AQP8: variants seen among roughly 807,000 people sequenced by gnomAD.
The protein encoded by AQP8 is aquaporin 8.
Under a neutral mutation model 26.1 loss-of-function variants are expected in AQP8, and 14 were observed. That is an observed-to-expected ratio of 0.54 (90% CI 0.35 to 0.84). The LOEUF (loss-of-function observed/expected upper bound fraction) is 0.84, where lower values mean the gene tolerates loss of function less well. AQP8 is among the 40% of genes least tolerant of loss of function. The probability of loss-of-function intolerance (pLI) is 0.01; values close to 1 mark genes in which losing one functional copy is unlikely to be tolerated. For missense variants in AQP8, 301 were observed against 340.5 expected (o/e 0.88, Z 0.91); for synonymous variants, 131 against 150.7 (o/e 0.87, Z 0.96).
intron 5 of AQP8, among the ~76,000 whole-genome samples, chr16:25,227,820 T>C (rs571925808): frequency 5.9e-4 from 90 of 152,054 alleles, no homozygotes; most frequent in Non-Finnish European, 1.2e-3. Context: ...GAGATGGGGC[T>C]TCACCATGTT....
rs548873065 is a variant in AQP8, at chr16:25,228,724, A to G, written c.*232A>G. ...CCAGCCTGGGGAACACGCTGCCCGCACTGCCCAGAGAGCAGTGCAAACACC... is the reference window on the plus strand; with the variant it reads ...CCAGCCTGGGGAACACGCTGCCCGCGCTGCCCAGAGAGCAGTGCAAACACC... On this transcript the variant is annotated 3_prime_UTR_variant, in exon 6 of 6. Transcript: ENST00000219660. 7.6e-5 allele frequency: 40 copies of G among 528,010 alleles called. No homozygotes were observed. The highest frequency in any genetic ancestry group is 7.4e-4 in the African/African-American group (39 of 52,444). 32.7% of individuals were successfully genotyped at this position (528,010 alleles called of 1,614,324 possible).
chr16:25,222,917 C>A (rs184034309), intron 3 of AQP8, among the ~76,000 whole-genome samples: 3 of 152,244 alleles, frequency 2.0e-5, no homozygotes, highest in Non-Finnish European at 4.4e-5. Context: ...TCAAGCCCTG[C>A]CACTTAAAAC....
intron 4 of AQP8, 57 bp downstream of exon 4, chr16:25,224,633 G>A (rs1461245316): frequency 7.2e-6 from 11 of 1,533,472 alleles, no homozygotes; most frequent in African/African-American, 1.4e-5. Flanking sequence ...TTCAGCTCTG[G>A]GGGATTTCAG....
At chr16:25,225,061 G>A (rs1962613448) in intron 4 of AQP8, among the ~76,000 whole-genome samples, 1 of 152,194 alleles carries the variant, frequency 6.6e-6, no homozygotes. Flanking sequence ...AGGAAACTGA[G>A]GCTTAGAGAG....
chr16:25,226,394 A>G (rs1400805732), intron 4 of AQP8, among the ~76,000 whole-genome samples: 3 of 152,162 alleles, frequency 2.0e-5, no homozygotes, highest in Non-Finnish European at 4.4e-5. Flanking sequence ...AGTAGCTGGG[A>G]CTACAGGCGT....
intron 4 of AQP8, among the ~76,000 whole-genome samples, chr16:25,224,792 G>C (rs1420280077): frequency 2.0e-5 from 3 of 152,340 alleles, no homozygotes; most frequent in Non-Finnish European, 4.4e-5. Flanking sequence ...AATTATTGCT[G>C]GGTACATGGG....
chr16:25,227,778 G>T (rs1368438433), intron 5 of AQP8, among the ~76,000 whole-genome samples: 1 of 151,726 alleles, frequency 6.6e-6, no homozygotes, highest in East Asian at 2.0e-4. Flanking sequence ...ATGAGCCACC[G>T]CGCCCAGCCA....
intron 5 of AQP8, among the ~76,000 whole-genome samples, chr16:25,227,480 T>C (rs1197476799): frequency 6.6e-6 from 1 of 152,132 alleles, no homozygotes; most frequent in African/African-American, 2.4e-5. Context: ...AACAATGTCT[T>C]TAGGACTTGG....
chr16:25,224,616 T>C (rs906062759), intron 4 of AQP8, 40 bp downstream of exon 4: 2 of 1,584,390 alleles, frequency 1.3e-6, no homozygotes, highest in African/African-American at 1.3e-5. Context: ...TGCCCAGATC[T>C]GTGCTGTTCA....
At position 25,228,755 on chromosome 16, in the gene AQP8, A is replaced by T. The variant is rs1962669878; in HGVS notation, c.*263A>T. The T allele has an allele frequency of 2.8e-6, 1 of 351,952 alleles. No homozygotes were observed. The highest frequency in any genetic ancestry group is 4.3e-5 in the Admixed American group (1 of 23,222). The allele number at this position is 351,952 out of a possible 1,614,324, so 21.8% of individuals were successfully genotyped here. A position where few individuals can be genotyped will look rare whatever the true frequency, so the allele number is the denominator to read the frequency against. The stretch of plus-strand genomic sequence containing the variant: ...CAGAGAGCAGTGCAAACACCACAAC[A>T]CGAGCGTGTTTCTTGAGAGGAATGT... On this transcript the variant is annotated 3_prime_UTR_variant, in exon 6 of 6. Transcript: ENST00000219660.
chr16:25,226,896 C>G (rs532398627), intron 4 of AQP8, among the ~76,000 whole-genome samples, 172 bp from the exon 5 acceptor site: 63 of 152,266 alleles, frequency 4.1e-4, no homozygotes, highest in African/African-American at 1.5e-3. Flanking sequence ...CTTCTGCTTC[C>G]TGGTGCTAAT....
chr16:25,226,982 T>G, intron 4 of AQP8, 86 bp from the exon 5 acceptor site: 1 of 1,590,976 alleles, frequency 6.3e-7, no homozygotes, highest in Non-Finnish European at 8.6e-7. Context: ...GGGTGGTGTG[T>G]GACTAGGCCT....
chr16:25,221,763 A>AT lies in AQP8; in HGVS notation c.387+186dup, dbSNP rs368302054. Among the ~76,000 whole-genome samples the AT allele has an allele frequency of 4.4e-3, 663 of 151,520 alleles. 8 individuals are homozygous for AT. The highest frequency in any genetic ancestry group is 5.2e-3 in the Non-Finnish European group (350 of 67,772). ...TTTCTTTCTTATTGCATTTTATTGTATTTTTTATTTGTTTGTTTTTTTGAG... is the reference window on the plus strand; with the variant it reads ...TTTCTTTCTTATTGCATTTTATTGTATTTTTTTATTTGTTTGTTTTTTTGAG... On this transcript the variant is annotated intron_variant, in intron 3 of 5. Transcript: ENST00000219660.
rs182658140 is a variant in AQP8, at chr16:25,217,125, G to T, written c.12+68G>T. 1.6e-4 allele frequency: 257 copies of T among 1,613,460 alleles called. No homozygotes were observed. In the African/African-American group the frequency reaches 2.9e-3, roughly 18 times the overall value. On this transcript the variant is annotated intron_variant, in intron 1 of 5. Transcript: ENST00000219660. ...AAGGGGGGCTGTGAATTAATTCAAG[G>T]TTGGGGGTCGGGGCCTTCTATATCT...
chr16:25,217,278 C>T lies in AQP8; in HGVS notation c.93C>T (p.Tyr31=), dbSNP rs748805304. 16 of 1,613,960 alleles carry T rather than the reference C, an allele frequency of 9.9e-6. No individual in the cohort carries two copies. The highest frequency in any genetic ancestry group is 5.0e-5 in the Admixed American group (3 of 60,000). The change falls in exon 2 of 6, where the codon TAC becomes TAT. Residue 31 remains tyrosine (Y), a synonymous_variant. Coordinates refer to ENST00000219660, the MANE Select transcript of AQP8 (RefSeq NM_001169.3). The part of the protein sequence containing the change: ...SVGGRWRVSW[Y]ERFVQPCLVE... ...GTGGCAGGTGGCGAGTGTCCTGGTA[C>T]GAACGGTTTGTGCAGCCATGTCTGG...
chr16:25,227,010 T>C (rs1450108944), intron 4 of AQP8, 58 bp from the exon 5 acceptor site: 31 of 1,610,576 alleles, frequency 1.9e-5, no homozygotes, highest in Middle Eastern at 4.1e-4. Context: ...GACATGAGTG[T>C]GAGGTGAGGT....
intron 3 of AQP8, among the ~76,000 whole-genome samples, chr16:25,223,853 G>T (rs1333848023): frequency 6.7e-5 from 10 of 149,260 alleles, no homozygotes. Context: ...TTGAGACGGA[G>T]TCTTGCTCTG....
At chr16:25,222,679 G>T (rs944972629) in intron 3 of AQP8, among the ~76,000 whole-genome samples, 7 of 151,876 alleles carry the variant, frequency 4.6e-5, no homozygotes, top group South Asian at 4.2e-4. Flanking sequence ...GTGTGTGTGT[G>T]GGGGGTGGTG....
rs1323891116 is a variant in AQP8, at chr16:25,221,603, T to A, written c.387+20T>A. The A allele has an allele frequency of 1.9e-6, 3 of 1,613,518 alleles. No homozygotes were observed. Among genetic ancestry groups the A allele is most frequent in the East Asian group, 2.2e-5 (1 of 44,882 alleles). On this transcript the variant is annotated intron_variant, in intron 3 of 5. Transcript: ENST00000219660. ...GCCAAGGTGGGTAAACCCCAGGGGC[T>A]GGGCTAGTCTTCCTCTCTGATGGGG...
Sources: allele counts gnomAD v4.1 joint callset (sites outside exome capture counted in the v4.1 genomes callset), GRCh38; gene constraint gnomAD v4.1.1; transcripts MANE v1.5; gene names NCBI Gene and HGNC (gene_info 2026-07-23, HGNC 2026-07-21).